The following PCDH15 variants were observed in gnomAD, a reference collection of about 807,000 sequenced individuals.
The protein encoded by PCDH15 is protocadherin-15.
PCDH15 carries 129 observed loss-of-function variants against 178.5 expected under a neutral mutation model. The ratio of observed to expected loss-of-function variants is 0.72; its 90% CI spans 0.63 to 0.84. PCDH15 has a LOEUF of 0.84. Among genes scored for constraint, PCDH15 ranks in the 40% least tolerant of loss-of-function variants. PCDH15 has a pLI of 0.00. For missense variants in PCDH15, 2,230 were observed against 2,099.9 expected (o/e 1.06, Z -1.21); for synonymous variants, 800 against 732.0 (o/e 1.09, Z -1.50).
intron 2 of PCDH15, among the ~76,000 whole-genome samples, chr10:55,449,363 G>A (rs986723051): frequency 6.6e-6 from 1 of 152,010 alleles, no homozygotes; most frequent in African/African-American, 2.4e-5. Context: ...AGAAACCTAA[G>A]CTGGACAGAA....
intron 2 of PCDH15, among the ~76,000 whole-genome samples, chr10:55,099,100 T>G (rs1842517876): frequency 6.6e-6 from 1 of 151,980 alleles, no homozygotes; most frequent in Admixed American, 6.6e-5. Flanking sequence ...TTTTAAAAAT[T>G]TTTACTCTAT....
chr10:54,291,001 T>C (rs2059371094), intron 8 of PCDH15, among the ~76,000 whole-genome samples: 1 of 152,130 alleles, frequency 6.6e-6, no homozygotes, highest in East Asian at 1.9e-4. Flanking sequence ...GACAGAAGGT[T>C]AACAAGGATA....
rs151205161 is a variant in PCDH15, at chr10:54,623,116, T to C, written c.91+41056A>G. Reference sequence around the variant, plus strand: ...TTTACTTTCCCTGCCTGACTTTCCATTTGTCTATTCAAGGTAGACTAGTTT... The same window carrying C: ...TTTACTTTCCCTGCCTGACTTTCCACTTGTCTATTCAAGGTAGACTAGTTT... On this transcript the variant is annotated intron_variant, in intron 2 of 37. Coordinates refer to ENST00000644397, the MANE Select transcript of PCDH15 (RefSeq NM_001384140.1). Among the ~76,000 whole-genome samples the C allele has an allele frequency of 8.9e-3, 1,347 of 152,168 alleles. 11 individuals carry two copies. Among genetic ancestry groups the C allele is most frequent in the African/African-American group, 0.031 (1,276 of 41,524 alleles).
chr10:55,353,455 A>G (rs1486243517), intron 2 of PCDH15, among the ~76,000 whole-genome samples: 1 of 152,202 alleles, frequency 6.6e-6, no homozygotes, highest in Non-Finnish European at 1.5e-5. Context: ...TAAATAAAAA[A>G]TATCCTGGTT....
chr10:54,229,762 T>C lies in PCDH15; in HGVS notation c.985+7061A>G, dbSNP rs568432175. ...GTAAATCCATTAAACCTCTTTCTTT[T>C]GTAAATTATGTAGTCTCAGGTATGT... On this transcript the variant is annotated intron_variant, in intron 9 of 37. Coordinates refer to ENST00000644397, the MANE Select transcript of PCDH15 (RefSeq NM_001384140.1). 2.0e-5 allele frequency among the ~76,000 whole-genome samples: 3 copies of C among 152,186 alleles called. No homozygotes were observed. In the South Asian group the frequency reaches 6.2e-4, roughly 31 times the overall value.
intron 2 of PCDH15, among the ~76,000 whole-genome samples, chr10:54,601,090 G>A (rs369016779): frequency 1.3e-5 from 2 of 151,988 alleles, no homozygotes; most frequent in Admixed American, 6.6e-5. Context: ...GGAGAACCTC[G>A]TTGACACGGA....
intron 18 of PCDH15, among the ~76,000 whole-genome samples, chr10:54,025,499 ATTTT>A (rs3067439): frequency 1.5e-5 from 2 of 135,512 alleles, no homozygotes; most frequent in Admixed American, 7.4e-5. Context: ...CATTTCCACC[ATTTT>A]TTTTTTTTTT....
intron 2 of PCDH15, among the ~76,000 whole-genome samples, chr10:55,384,581 T>G (rs1400755172): frequency 6.6e-6 from 1 of 152,098 alleles, no homozygotes; most frequent in Non-Finnish European, 1.5e-5. Flanking sequence ...GACTCTTATC[T>G]TCTTTCTTTC....
chr10:55,025,155 A>C (rs1199898174), intron 2 of PCDH15, among the ~76,000 whole-genome samples: 1 of 151,986 alleles, frequency 6.6e-6, no homozygotes, highest in Admixed American at 6.6e-5. Context: ...GTACGTATGC[A>C]TGTGTGTGTG....
At chr10:54,155,838 T>C (rs2045079310) in intron 13 of PCDH15, among the ~76,000 whole-genome samples, 2 of 150,146 alleles carry the variant, frequency 1.3e-5, no homozygotes, top group African/African-American at 2.5e-5. Flanking sequence ...CATTACACAG[T>C]AGATGTCCCC....
chr10:55,069,831 T>C (rs1311521843), intron 2 of PCDH15, among the ~76,000 whole-genome samples: 1 of 151,252 alleles, frequency 6.6e-6, no homozygotes. Flanking sequence ...TTTCTAGTTC[T>C]AGATCCCTGA....
At chr10:55,021,090 A>T (rs527911341) in intron 2 of PCDH15, among the ~76,000 whole-genome samples, 1 of 152,338 alleles carries the variant, frequency 6.6e-6, no homozygotes, top group South Asian at 2.1e-4. Flanking sequence ...CTTGTCTCCC[A>T]GGTGTGTTCT....
At chr10:54,898,364 A>G (rs1051075124) in intron 2 of PCDH15, among the ~76,000 whole-genome samples, 44 of 152,170 alleles carry the variant, frequency 2.9e-4, no homozygotes, top group Admixed American at 2.8e-3. Context: ...ATAAAATAAT[A>G]CAATAATAAA....
At chr10:54,464,783 A>G (rs569257863) in intron 3 of PCDH15, among the ~76,000 whole-genome samples, 2 of 152,284 alleles carry the variant, frequency 1.3e-5, no homozygotes, top group African/African-American at 4.8e-5. Context: ...CTAGCTAGCT[A>G]TTTTAAACAA....
intron 2 of PCDH15, among the ~76,000 whole-genome samples, chr10:55,505,497 A>G (rs1840741404): frequency 6.6e-6 from 1 of 151,426 alleles, no homozygotes; most frequent in South Asian, 2.1e-4. Context: ...AAGAATAAAA[A>G]TACACAGATG....
chr10:55,483,916 A>G lies in PCDH15; in HGVS notation c.-156+143709T>C, dbSNP rs189695567. 2.1e-3 allele frequency among the ~76,000 whole-genome samples: 316 copies of G among 151,970 alleles called. 1 individual carries two copies. The highest frequency in any genetic ancestry group is 6.4e-3 in the African/African-American group (266 of 41,504). ...ATGAAAGCAACCTAAATGTCCATCA[A>G]TGATTGACTGGATAAAGATGTGGTA... On this transcript the variant is annotated intron_variant, in intron 2 of 5. Transcript: ENST00000613346.
At chr10:54,630,018 T>C (rs1372269580) in intron 2 of PCDH15, among the ~76,000 whole-genome samples, 1 of 152,038 alleles carries the variant, frequency 6.6e-6, no homozygotes, top group African/African-American at 2.4e-5. Context: ...TAAGTAGGAA[T>C]GCATCCAACA....
chr10:53,981,412 C>T (rs1180740446), intron 21 of PCDH15, among the ~76,000 whole-genome samples: 3 of 152,148 alleles, frequency 2.0e-5, no homozygotes, highest in Non-Finnish European at 4.4e-5. Flanking sequence ...TACCTGACTT[C>T]AAACTATACT....
chr10:54,314,207 A>T (rs1564939560), intron 8 of PCDH15, among the ~76,000 whole-genome samples: 1 of 152,036 alleles, frequency 6.6e-6, no homozygotes, highest in African/African-American at 2.4e-5. Flanking sequence ...ATTGAAAAAG[A>T]TTATTATCAA....
Sources: gnomAD v4.1 joint callset for allele counts (sites outside exome capture counted in the v4.1 genomes callset) on GRCh38, gnomAD v4.1.1 for gene constraint, MANE v1.5 for transcripts, NCBI Gene and HGNC (gene_info 2026-07-23, HGNC 2026-07-21) for gene names.